The following SULT2B1 variants were observed in gnomAD, a reference collection of about 807,000 sequenced individuals.
The protein encoded by SULT2B1 is sulfotransferase family 2B member 1.
SULT2B1 carries 16 observed loss-of-function variants against 33.2 expected under a neutral mutation model. The observed-to-expected ratio is 0.48, with a 90% CI of 0.33 to 0.73. SULT2B1 has a LOEUF of 0.73. SULT2B1 is among the 30% of genes least tolerant of loss of function. The pLI, the probability that SULT2B1 is intolerant of heterozygous loss-of-function variation, is 0.02. For missense variants in SULT2B1, 500 were observed against 506.0 expected (o/e 0.99, Z 0.11); for synonymous variants, 186 against 200.5 (o/e 0.93, Z 0.61).
intron 2 of SULT2B1, 24 bp from the exon 3 acceptor site, chr19:48,587,205 A>C: frequency 6.3e-7 from 1 of 1,575,418 alleles, no homozygotes; most frequent in Non-Finnish European, 8.7e-7. Flanking sequence ...ACACCCAATT[A>C]ATCTGCTCGA....
At chr19:48,584,512 A>AG (rs1425068174) in intron 2 of SULT2B1, among the ~76,000 whole-genome samples, 12 of 148,596 alleles carry the variant, frequency 8.1e-5, no homozygotes, top group Non-Finnish European at 1.8e-4. Context: ...AAATGTTTAC[A>AG]GGGTCCAGCT....
chr19:48,589,727 C>T (rs1272531942), intron 3 of SULT2B1, among the ~76,000 whole-genome samples: 1 of 152,168 alleles, frequency 6.6e-6, no homozygotes, highest in African/African-American at 2.4e-5. Flanking sequence ...TTTCAGAGGC[C>T]AAGGTGAGCA....
chr19:48,591,515 C>A, intron 3 of SULT2B1, 94 bp from the exon 4 acceptor site: 1 of 1,416,336 alleles, frequency 7.1e-7, no homozygotes. Flanking sequence ...GCTTCAGGGT[C>A]AGAAGAGAGG....
intron 2 of SULT2B1, among the ~76,000 whole-genome samples, chr19:48,578,142 G>C (rs1973439123): frequency 6.6e-6 from 1 of 152,096 alleles, no homozygotes. Flanking sequence ...TAGCTAGAGA[G>C]GTCGAGGCTC....
intron 2 of SULT2B1, among the ~76,000 whole-genome samples, chr19:48,583,851 C>A (rs897822386): frequency 6.7e-6 from 1 of 149,260 alleles, no homozygotes; most frequent in Non-Finnish European, 1.5e-5. Context: ...CAGTGGCTTA[C>A]GCCTGTAATC....
At chr19:48,564,335 C>T (rs1020707463) in intron 1 of SULT2B1, among the ~76,000 whole-genome samples, 30 of 151,534 alleles carry the variant, frequency 2.0e-4, no homozygotes, top group Non-Finnish European at 3.4e-4. Context: ...GGGCGGATCA[C>T]GAGGTCCAAA....
In SULT2B1 at chr19:48,569,352, A is replaced by G. The variant is rs374014627; in HGVS notation, c.72-6589A>G. On this transcript the variant is annotated intron_variant, in intron 1 of 6. Transcript: ENST00000201586. ...GAGAGACTCCGTCTCAAAAAAAAAAAAAAAAAAAAACATATATATATATAT... is the reference window on the plus strand; with the variant it reads ...GAGAGACTCCGTCTCAAAAAAAAAAGAAAAAAAAAACATATATATATATAT... 4.3e-3 allele frequency among the ~76,000 whole-genome samples: 61 copies of G among 14,110 alleles called. 2 individuals are homozygous for G. The highest frequency in any genetic ancestry group is 0.011 in the South Asian group (3 of 272). 9.3% of individuals were successfully genotyped at this position (14,110 alleles called of 152,430 possible). A position where few individuals can be genotyped will look rare whatever the true frequency, so the allele number is the denominator to read the frequency against.
chr19:48,580,857 C>T (rs11878647), intron 2 of SULT2B1, among the ~76,000 whole-genome samples: 27,414 of 151,630 alleles, frequency 0.18, 2,681 homozygotes, highest in East Asian at 0.44. Flanking sequence ...CTGCCTCAGC[C>T]TCCCAAAGTG....
At chr19:48,593,221 C>G (rs920135087) in intron 5 of SULT2B1, among the ~76,000 whole-genome samples, 3 of 152,108 alleles carry the variant, frequency 2.0e-5, no homozygotes, top group Admixed American at 6.6e-5. Flanking sequence ...TGCCACTGTA[C>G]TCCGGCCTGG....
At chr19:48,584,808 T>C (rs11083946) in intron 2 of SULT2B1, among the ~76,000 whole-genome samples, 72,542 of 151,864 alleles carry the variant, frequency 0.48, 19,056 homozygotes, top group South Asian at 0.65. Flanking sequence ...CCCAGCACTT[T>C]GGGAGGCCAA....
chr19:48,560,397 C>T (rs1412550724), intron 1 of SULT2B1, among the ~76,000 whole-genome samples: 1 of 151,902 alleles, frequency 6.6e-6, no homozygotes, highest in African/African-American at 2.4e-5. Flanking sequence ...AGGCCCCACT[C>T]ATAACCCTCA....
intron 2 of SULT2B1, among the ~76,000 whole-genome samples, chr19:48,577,233 T>G (rs1973425835): frequency 6.6e-6 from 1 of 150,610 alleles, no homozygotes; most frequent in South Asian, 2.1e-4. Flanking sequence ...ATTTTTGTAT[T>G]TTTAGTAGAG....
At chr19:48,567,723 A>T (rs1288471166) in intron 1 of SULT2B1, among the ~76,000 whole-genome samples, 1 of 151,972 alleles carries the variant, frequency 6.6e-6, no homozygotes, top group African/African-American at 2.4e-5. Flanking sequence ...TAACCCCAGC[A>T]CTCTGGGAGG....
At chr19:48,588,637 C>T (rs57180832) in intron 3 of SULT2B1, among the ~76,000 whole-genome samples, 7,711 of 150,816 alleles carry the variant, frequency 0.051, 676 homozygotes, top group African/African-American at 0.18. Context: ...TAATATAATA[C>T]ATAAAATGTC....
chr19:48,571,211 A>AT lies in SULT2B1; in HGVS notation c.72-4726dup, dbSNP rs1555732611. Among the ~76,000 whole-genome samples, 150 of 144,322 alleles carry AT rather than the reference A, an allele frequency of 1.0e-3. 1 individual carries two copies. Among genetic ancestry groups the AT allele is most frequent in the Middle Eastern group, 3.6e-3 (1 of 276 alleles). 94.7% of individuals were successfully genotyped at this position (144,322 alleles called of 152,430 possible). ...AATTTATTTATTTATTTATTTATTTATTTTGAGATGGAGTTTCGCTCTGTC... is the reference window on the plus strand; with the variant it reads ...AATTTATTTATTTATTTATTTATTTATTTTTGAGATGGAGTTTCGCTCTGTC... On this transcript the variant is annotated intron_variant, in intron 1 of 6. Transcript: ENST00000201586.
intron 1 of SULT2B1, among the ~76,000 whole-genome samples, chr19:48,569,361 A>AAAAAATAT (rs1568405757): frequency 6.0e-4 from 6 of 9,956 alleles, no homozygotes; most frequent in African/African-American, 2.9e-3. Flanking sequence ...AAAAAAAAAA[A>AAAAAATAT]ACATATATAT....
chr19:48,585,972 C>G (rs1169963905), intron 2 of SULT2B1, among the ~76,000 whole-genome samples: 2 of 151,958 alleles, frequency 1.3e-5, no homozygotes, highest in African/African-American at 4.8e-5. Flanking sequence ...CTCCCAGCAC[C>G]TTGGGAGGCT....
intron 1 of SULT2B1, among the ~76,000 whole-genome samples, chr19:48,569,500 G>A (rs530491107): frequency 4.8e-4 from 72 of 151,088 alleles, no homozygotes; most frequent in African/African-American, 1.4e-3. Context: ...TGGGAGGATC[G>A]CTTGAGCCCA....
chr19:48,573,155 C>CAAAAA, intron 1 of SULT2B1, among the ~76,000 whole-genome samples: 1 of 122,254 alleles, frequency 8.2e-6, no homozygotes. Flanking sequence ...GACTCCATCT[C>CAAAAA]AAAAAAAAAA....
Sources: gnomAD v4.1 joint callset for allele counts (sites outside exome capture counted in the v4.1 genomes callset) on GRCh38, gnomAD v4.1.1 for gene constraint, MANE v1.5 for transcripts, NCBI Gene and HGNC (gene_info 2026-07-23, HGNC 2026-07-21) for gene names.